Variants in PHF8 observed in about 807,000 individuals in gnomAD.
The protein encoded by PHF8 is PHD finger protein 8.
PHF8 carries 9 observed loss-of-function variants against 74.4 expected under a neutral mutation model. The observed-to-expected ratio is 0.12, with a 90% CI of 0.07 to 0.21. The LOEUF is 0.21. PHF8 is among the 10% of genes least tolerant of loss of function. The pLI is 1.00. For missense variants in PHF8, 478 were observed against 816.6 expected (o/e 0.59, Z 5.05); for synonymous variants, 311 against 316.6 (o/e 0.98, Z 0.19).
At chrX:53,988,726 A>G (rs1353142367) in intron 14 of PHF8, among the ~76,000 whole-genome samples, 2 of 100,742 alleles carry the variant, frequency 2.0e-5, no homozygotes, top group Non-Finnish European at 4.0e-5. Flanking sequence ...GGTTCAAGTA[A>G]TTCTCTTGCC....
intron 11 of PHF8, among the ~76,000 whole-genome samples, chrX:53,997,055 CTAA>C (rs1282920205): frequency 8.9e-6 from 1 of 112,448 alleles, no homozygotes; most frequent in Non-Finnish European, 1.9e-5. Context: ...AAACATCTAT[CTAA>C]TAAAAGAGTA....
chrX:54,023,069 G>C (rs782473095), intron 2 of PHF8, among the ~76,000 whole-genome samples: 42 of 111,748 alleles, frequency 3.8e-4, no homozygotes, highest in Non-Finnish European at 6.2e-4. Flanking sequence ...TCTGCCTCCT[G>C]GGTTCAAGTG....
In PHF8 at chrX:53,985,203, A is replaced by C; in HGVS notation, c.2154T>G (p.Thr718=). 8.3e-7 allele frequency: 1 copy of C among 1,201,905 alleles called. No individual in the cohort carries two copies. ...ALTEAPASPS[T]QEAIQGMLCM... Reference sequence around the variant, plus strand: ...ACAGCATGCCCTGGATGGCCTCCTGAGTGCTGGGAGAAGCTGGGGCCTCGC... The same window carrying C: ...ACAGCATGCCCTGGATGGCCTCCTGCGTGCTGGGAGAAGCTGGGGCCTCGC... Residue 718 remains threonine, a synonymous_variant, in exon 18 of 22, where the codon ACT becomes ACG. Coordinates refer to ENST00000338154, the MANE Select transcript of PHF8 (RefSeq NM_015107.3).
At chrX:53,986,805 G>A (rs1557099696) in intron 16 of PHF8, among the ~76,000 whole-genome samples, 1 of 110,731 alleles carries the variant, frequency 9.0e-6, no homozygotes, top group African/African-American at 3.3e-5. Flanking sequence ...AGCTACATTG[G>A]TGGTGTGAGC....
intron 16 of PHF8, among the ~76,000 whole-genome samples, chrX:53,986,233 A>G (rs1473413572): frequency 8.9e-6 from 1 of 112,733 alleles, no homozygotes; most frequent in African/African-American, 3.2e-5. Flanking sequence ...TTTCTGCTAC[A>G]TCGCACTGAC....
chrX:54,007,532 A>C (rs1018294347), intron 8 of PHF8, among the ~76,000 whole-genome samples: 1 of 112,354 alleles, frequency 8.9e-6, no homozygotes, highest in Admixed American at 9.5e-5. Flanking sequence ...TATCCAAAGT[A>C]TATAAATTCT....
intron 6 of PHF8, among the ~76,000 whole-genome samples, chrX:54,015,111 C>T (rs1257460215): frequency 1.8e-5 from 2 of 111,541 alleles, no homozygotes; most frequent in African/African-American, 6.5e-5. Flanking sequence ...GAGCACCCAC[C>T]ACATGCATTC....
At chrX:54,017,432 G>A (rs1378686841) in intron 5 of PHF8, among the ~76,000 whole-genome samples, 1 of 112,049 alleles carries the variant, frequency 8.9e-6, no homozygotes, top group Admixed American at 9.5e-5. Flanking sequence ...TGGGCAACAG[G>A]GCGAGACCCT....
chrX:54,015,956 G>A (rs1603337674), intron 6 of PHF8, among the ~76,000 whole-genome samples: 1 of 111,016 alleles, frequency 9.0e-6, no homozygotes, highest in East Asian at 2.8e-4. Flanking sequence ...AGGAACTGAG[G>A]ACCTATCCCA....
chrX:54,040,115 A>G (rs2066527853), intron 2 of PHF8: 1 of 112,192 alleles, frequency 8.9e-6, no homozygotes. Flanking sequence ...TTAAAAGAGA[A>G]ATATCCAACT....
chrX:54,020,591 G>C (rs1557109582), intron 4 of PHF8, among the ~76,000 whole-genome samples: 1 of 111,923 alleles, frequency 8.9e-6, no homozygotes, highest in Non-Finnish European at 1.9e-5. Context: ...ATCTATGTTT[G>C]TATATGCAAA....
At chrX:53,960,674 G>A (rs1237272199) in intron 19 of PHF8, among the ~76,000 whole-genome samples, 1 of 108,451 alleles carries the variant, frequency 9.2e-6, no homozygotes, top group African/African-American at 3.4e-5. Context: ...GCTTGAACCC[G>A]GGAGGCGGAG....
At chrX:53,955,524 A>G (rs1476006174) in intron 19 of PHF8, among the ~76,000 whole-genome samples, 1 of 103,488 alleles carries the variant, frequency 9.7e-6, no homozygotes, top group Non-Finnish European at 2.0e-5. Context: ...TTCTCACCCT[A>G]CTGGCTCACA....
chrX:53,979,257 C>G (rs1323962334), intron 18 of PHF8, among the ~76,000 whole-genome samples: 2 of 110,903 alleles, frequency 1.8e-5, no homozygotes, highest in Non-Finnish European at 3.8e-5. Flanking sequence ...TGGCGTACAC[C>G]TGTAATCCCA....
chrX:54,021,166 C>A (rs1449089498), intron 4 of PHF8, among the ~76,000 whole-genome samples: 3 of 111,917 alleles, frequency 2.7e-5, no homozygotes, highest in African/African-American at 9.7e-5. Context: ...AGACCATTAT[C>A]GTAAGCCAAT....
intron 18 of PHF8, among the ~76,000 whole-genome samples, chrX:53,967,281 C>CT (rs2065214861): frequency 7.8e-5 from 8 of 102,388 alleles, no homozygotes; most frequent in Non-Finnish European, 1.4e-4. Context: ...GGGTCAGCCC[C>CT]CTGCCCGGCC....
intron 15 of PHF8, 122 bp downstream of exon 15, chrX:53,987,644 G>A (rs1267877956): frequency 2.0e-5 from 12 of 589,946 alleles, no homozygotes; most frequent in Non-Finnish European, 3.4e-5. Context: ...GGGAGGCGGA[G>A]GTTGCAGTGA....
intron 8 of PHF8, among the ~76,000 whole-genome samples, chrX:54,007,866 CAG>C (rs782394032): frequency 3.6e-5 from 4 of 111,849 alleles, no homozygotes; most frequent in Non-Finnish European, 7.5e-5. Flanking sequence ...AAGTTAAACA[CAG>C]AGTTACATAT....
Position 54,044,026 on chromosome X carries a change from C to T in PHF8, c.-357G>A. ...GGATAGTCCCCGTACCGCCGGGAAC[C>T]TCGCTCGCCTTCCCCTCGAGCCCCC... On this transcript the variant is annotated 5_prime_UTR_variant, in exon 1 of 22. Coordinates refer to ENST00000338154, the MANE Select transcript of PHF8 (RefSeq NM_015107.3). 1 of 755,188 alleles carries T rather than the reference C, an allele frequency of 1.3e-6. No homozygotes were observed. The highest frequency in any genetic ancestry group is 1.6e-6 in the Non-Finnish European group (1 of 639,482). 62.2% of individuals were successfully genotyped at this position (755,188 alleles called of 1,213,427 possible).
Sources: gnomAD v4.1 joint callset for allele counts (sites outside exome capture counted in the v4.1 genomes callset) on GRCh38, gnomAD v4.1.1 for gene constraint, MANE v1.5 for transcripts, NCBI Gene and HGNC (gene_info 2026-07-23, HGNC 2026-07-21) for gene names.